AFF3: variants seen among roughly 807,000 people sequenced by gnomAD.
AFF3 encodes the protein ALF transcription elongation factor 3.
AFF3 carries 32 observed loss-of-function variants against 129.7 expected under a neutral mutation model. That is an observed-to-expected ratio of 0.25 (90% CI 0.19 to 0.33). The LOEUF is 0.33. Among genes scored for constraint, AFF3 ranks in the 10% least tolerant of loss-of-function variants. The pLI, the probability that AFF3 is intolerant of heterozygous loss-of-function variation, is 1.00. For synonymous variants in AFF3, 644 were observed against 635.4 expected (o/e 1.01, Z -0.20); for missense variants, 1,373 against 1,592.0 (o/e 0.86, Z 2.34).
At position 99,551,117 on chromosome 2, in the gene AFF3, T is replaced by G; in HGVS notation, c.*357A>C. The stretch of plus-strand genomic sequence containing the variant: ...GTCACGGTTTAGCACTGGAATGGAA[T>G]AGAAAGTGTGTGTCTGTGATTGTGT... On this transcript the variant is annotated 3_prime_UTR_variant, in exon 25 of 25. Transcript: ENST00000672756. 1 of 434,606 alleles carries G rather than the reference T, an allele frequency of 2.3e-6. No homozygotes were observed. Among genetic ancestry groups the G allele is most frequent in the Non-Finnish European group, 4.1e-6 (1 of 245,376 alleles). The allele number at this position is 434,606 out of a possible 1,614,324, so 26.9% of individuals were successfully genotyped here. A position where few individuals can be genotyped will look rare whatever the true frequency, so the allele number is the denominator to read the frequency against.
intron 13 of AFF3, among the ~76,000 whole-genome samples, chr2:99,645,237 G>A (rs985470292): frequency 1.7e-4 from 26 of 152,134 alleles, no homozygotes; most frequent in African/African-American, 6.0e-4. Flanking sequence ...GGGGAGAGCT[G>A]AGATGGCTTG....
chr2:99,854,218 T>C lies in AFF3; in HGVS notation c.874-16694A>G, dbSNP rs140247626. Reference sequence around the variant, plus strand: ...AGTTCTCTAAATGTAGAGATATAAATGAAGTTATAAATGTAACACTATCTA... The same window carrying C: ...AGTTCTCTAAATGTAGAGATATAAACGAAGTTATAAATGTAACACTATCTA... On this transcript the variant is annotated intron_variant, in intron 7 of 24. Coordinates refer to ENST00000672756, the MANE Select transcript of AFF3 (RefSeq NM_001386135.1). 1.6e-3 allele frequency among the ~76,000 whole-genome samples: 235 copies of C among 142,860 alleles called. 1 individual carries two copies. Among genetic ancestry groups the C allele is most frequent in the African/African-American group, 6.0e-3 (228 of 38,228 alleles). 93.7% of individuals were successfully genotyped at this position (142,860 alleles called of 152,430 possible).
chr2:99,837,573 C>G (rs1688980825), intron 7 of AFF3, 49 bp from the exon 8 acceptor site: 1 of 1,558,568 alleles, frequency 6.4e-7, no homozygotes, highest in African/African-American at 1.4e-5. Flanking sequence ...GATTGATGAC[C>G]ACACAGAAGA....
At chr2:100,050,238 CG>C (rs1686188018) in intron 4 of AFF3, among the ~76,000 whole-genome samples, 4 of 152,056 alleles carry the variant, frequency 2.6e-5, no homozygotes, top group Admixed American at 6.5e-5. Context: ...AATGGCTTCA[CG>C]GTTGTCTCTC....
At chr2:99,948,193 G>A (rs986032931) in intron 7 of AFF3, among the ~76,000 whole-genome samples, 1 of 152,128 alleles carries the variant, frequency 6.6e-6, no homozygotes, top group Non-Finnish European at 1.5e-5. Flanking sequence ...GGTGGGACTC[G>A]GAGCTCTCTG....
chr2:99,741,476 G>C (rs978664268), intron 10 of AFF3, among the ~76,000 whole-genome samples: 16 of 152,128 alleles, frequency 1.1e-4, no homozygotes, highest in East Asian at 9.7e-4. Context: ...ACAATTGCTT[G>C]AAAGAGAATA....
chr2:99,583,505 C>A (rs1339768995), intron 16 of AFF3, among the ~76,000 whole-genome samples: 1 of 152,086 alleles, frequency 6.6e-6, no homozygotes, highest in Non-Finnish European at 1.5e-5. Context: ...ACTTCAGCCT[C>A]CTGAGTAGCA....
chr2:100,016,724 G>A (rs989899571), intron 4 of AFF3, among the ~76,000 whole-genome samples: 15 of 150,998 alleles, frequency 9.9e-5, no homozygotes, highest in Admixed American at 3.9e-4. Context: ...TGGTGGTAGC[G>A]ATGGTGATAG....
chr2:99,713,022 G>A (rs772500378), intron 11 of AFF3, among the ~76,000 whole-genome samples: 1 of 152,152 alleles, frequency 6.6e-6, no homozygotes, highest in Non-Finnish European at 1.5e-5. Context: ...CTTATATGAG[G>A]TCCCCAGAGT....
intron 7 of AFF3, among the ~76,000 whole-genome samples, chr2:99,985,349 T>C (rs1386913937): frequency 6.6e-6 from 1 of 152,208 alleles, no homozygotes; most frequent in Non-Finnish European, 1.5e-5. Flanking sequence ...ATGACCTCCT[T>C]TGAATAATGA....
At chr2:100,003,207 C>T (rs1573074043) in intron 7 of AFF3, among the ~76,000 whole-genome samples, 1 of 151,974 alleles carries the variant, frequency 6.6e-6, no homozygotes, top group Non-Finnish European at 1.5e-5. Flanking sequence ...AAAGAAGATC[C>T]CCAAGACTGC....
chr2:99,948,400 C>T (rs755981476), intron 7 of AFF3, among the ~76,000 whole-genome samples: 1 of 152,182 alleles, frequency 6.6e-6, no homozygotes. Context: ...ATCTCCCTGC[C>T]CCATTACACG....
At chr2:100,011,710 G>A (rs746456430) in intron 4 of AFF3, 45 of 667,162 alleles carry the variant, frequency 6.7e-5, no homozygotes, top group African/African-American at 1.8e-4. Context: ...GGGTCAGAAC[G>A]GGAGGCAAGC....
At chr2:99,782,683 G>A (rs541790318) in intron 8 of AFF3, among the ~76,000 whole-genome samples, 1 of 152,288 alleles carries the variant, frequency 6.6e-6, no homozygotes, top group South Asian at 2.1e-4. Flanking sequence ...CTGGTAATTA[G>A]GTTTGTGGAT....
At chr2:100,001,477 G>A (rs1031730174) in intron 7 of AFF3, among the ~76,000 whole-genome samples, 3 of 152,178 alleles carry the variant, frequency 2.0e-5, no homozygotes, top group Admixed American at 1.3e-4. Flanking sequence ...CGCCCAGACT[G>A]GACTGCAGTG....
chr2:99,801,303 T>C (rs1314114410), intron 8 of AFF3, among the ~76,000 whole-genome samples: 1 of 152,212 alleles, frequency 6.6e-6, no homozygotes, highest in African/African-American at 2.4e-5. Flanking sequence ...TTTCAAAGTA[T>C]GTCAACTTCA....
At chr2:99,917,214 T>G (rs999789149) in intron 7 of AFF3, among the ~76,000 whole-genome samples, 3 of 152,184 alleles carry the variant, frequency 2.0e-5, no homozygotes, top group African/African-American at 7.2e-5. Flanking sequence ...CCCTTTGGCC[T>G]GAAGGGCCAG....
intron 4 of AFF3, among the ~76,000 whole-genome samples, chr2:100,013,466 G>A (rs955255643): frequency 5.9e-5 from 9 of 152,206 alleles, no homozygotes; most frequent in Non-Finnish European, 2.9e-5. Context: ...TAGGATAAGA[G>A]TTTGATCATC....
intron 14 of AFF3, among the ~76,000 whole-genome samples, chr2:99,595,697 C>A (rs1679218013): frequency 6.6e-6 from 1 of 152,170 alleles, no homozygotes; most frequent in African/African-American, 2.4e-5. Context: ...TCACCCCAGG[C>A]ACTGAGGATT....
Sources: allele counts gnomAD v4.1 joint callset (sites outside exome capture counted in the v4.1 genomes callset), GRCh38; gene constraint gnomAD v4.1.1; transcripts MANE v1.5; gene names NCBI Gene and HGNC (gene_info 2026-07-23, HGNC 2026-07-21).